MS4A13: variants seen among roughly 807,000 people sequenced by gnomAD.
The protein encoded by MS4A13 is membrane spanning 4-domains A13, also known as membrane-spanning 4-domains subfamily A member 13.
A neutral mutation model predicts 18.4 loss-of-function variants in MS4A13; 21 were observed. That is an observed-to-expected ratio of 1.14 (90% CI 0.81 to 1.64). The LOEUF (loss-of-function observed/expected upper bound fraction) is 1.64, where lower values mean the gene tolerates loss of function less well. MS4A13 is among the 40% of genes most tolerant of loss of function. The pLI is 0.00. For missense variants in MS4A13, 173 were observed against 176.8 expected, an observed-to-expected ratio of 0.98 and a Z score of 0.12; for synonymous variants, 62 against 57.2, an observed-to-expected ratio of 1.08 and a Z score of -0.38.
chr11:60,522,552 T>C (rs1283459631), intron 3 of MS4A13, among the ~76,000 whole-genome samples: 1 of 152,132 alleles, frequency 6.6e-6, no homozygotes, highest in East Asian at 1.9e-4. Context: ...TGGCTGCCCA[T>C]TGAGACAGCA....
chr11:60,526,878 C>G (rs1019075968), intron 5 of MS4A13, among the ~76,000 whole-genome samples: 2 of 152,186 alleles, frequency 1.3e-5, no homozygotes, highest in African/African-American at 4.8e-5. Flanking sequence ...ATCCTCAGTA[C>G]TCACTGTGTG....
intron 5 of MS4A13, 79 bp downstream of exon 5, chr11:60,525,405 TGAG>T: frequency 1.0e-6 from 1 of 990,620 alleles, no homozygotes; most frequent in Non-Finnish European, 1.4e-6. Flanking sequence ...GGAGGTAAGA[TGAG>T]GCTTTTATTC....
chr11:60,531,910 G>C (rs571710581), intron 6 of MS4A13, among the ~76,000 whole-genome samples: 1 of 152,232 alleles, frequency 6.6e-6, no homozygotes, highest in East Asian at 1.9e-4. Context: ...TGGGAGTTAG[G>C]ACTTCCAGTA....
intron 6 of MS4A13, among the ~76,000 whole-genome samples, chr11:60,530,880 A>C (rs1334326604): frequency 6.6e-6 from 1 of 151,850 alleles, no homozygotes; most frequent in African/African-American, 2.4e-5. Flanking sequence ...TTCCTCATTC[A>C]CTCAGTCTTC....
At chr11:60,522,372 G>A (rs2086683292) in intron 3 of MS4A13, among the ~76,000 whole-genome samples, 2 of 151,920 alleles carry the variant, frequency 1.3e-5, no homozygotes, top group Non-Finnish European at 2.9e-5. Flanking sequence ...TCGAAAAGAG[G>A]AATGGCCAAG....
intron 2 of MS4A13, 53 bp from the exon 3 acceptor site, chr11:60,518,019 A>G: frequency 7.3e-7 from 1 of 1,374,186 alleles, no homozygotes; most frequent in South Asian, 1.5e-5. Context: ...CACTTATTGG[A>G]ATTGTGTTTT....
intron 6 of MS4A13, among the ~76,000 whole-genome samples, chr11:60,538,100 C>T (rs993967029): frequency 6.7e-5 from 10 of 148,654 alleles, no homozygotes; most frequent in Non-Finnish European, 1.2e-4. Flanking sequence ...GTGGGTGCAG[C>T]GCACCAGCAT....
In MS4A13 at chr11:60,523,972, G is replaced by T; in HGVS notation, c.186+19G>T. The T allele has an allele frequency of 1.4e-6, 2 of 1,436,792 alleles. No homozygotes were observed. The highest frequency in any genetic ancestry group is 2.0e-6 in the Non-Finnish European group (2 of 1,022,386). 89.0% of individuals were successfully genotyped at this position (1,436,792 alleles called of 1,614,324 possible). A position where few individuals can be genotyped will look rare whatever the true frequency, so the allele number is the denominator to read the frequency against. On this transcript the variant is annotated intron_variant, in intron 4 of 6. Coordinates refer to ENST00000378186, the MANE Select transcript of MS4A13 (RefSeq NM_001012417.3). ...ATCTGGAGTAAGTTGAAATGTTTGA[G>T]GTATCTCTAGAAATCACTTATCACA...
At chr11:60,524,952 G>T (rs921215329) in intron 4 of MS4A13, among the ~76,000 whole-genome samples, 1 of 152,128 alleles carries the variant, frequency 6.6e-6, no homozygotes, top group African/African-American at 2.4e-5. Flanking sequence ...GAGCCACTGC[G>T]CCCGGCCCCA....
At chr11:60,539,962 G>A (rs567495726) in intron 6 of MS4A13, among the ~76,000 whole-genome samples, 56 of 152,200 alleles carry the variant, frequency 3.7e-4, no homozygotes, top group Non-Finnish European at 7.1e-4. Flanking sequence ...TCTTTAGACT[G>A]AAGTGACATC....
In MS4A13 at chr11:60,529,466, T is replaced by A; in HGVS notation, c.402+6T>A. 6.5e-7 allele frequency: 1 copy of A among 1,537,752 alleles called. No homozygotes were observed. The highest frequency in any genetic ancestry group is 8.9e-7 in the Non-Finnish European group (1 of 1,128,766). On this transcript the variant is annotated splice_donor_region_variant and intron_variant, in intron 6 of 6. Transcript: ENST00000378186. ...TATACAGCTGTTCCAATTTGGTAAG[T>A]GTTTACCCACTCTCTGGCAAATCAA...
In MS4A13 at chr11:60,523,907, C is replaced by T. The variant is rs202045319; in HGVS notation, c.140C>T (p.Ala47Val). The T allele has an allele frequency of 5.9e-6, 9 of 1,522,722 alleles. No individual in the cohort carries two copies. Among genetic ancestry groups the T allele is most frequent in the Non-Finnish European group, 6.4e-6 (7 of 1,097,958 alleles). The allele number at this position is 1,522,722 out of a possible 1,614,324, so 94.3% of individuals were successfully genotyped here. The change falls in exon 4 of 7, where the codon GCA becomes GTA. Residue 47 changes from alanine to valine, a missense_variant. By Grantham distance (64) the Ala-to-Val change is moderately conservative (BLOSUM62 0). Transcript: ENST00000378186. ...CTLWGIFFII[A>V]GVFLIRVTKY... ...TGTTTTTATATCCAGTTTATCATTG[C>T]AGGAGTCTTCCTAATAAGAGTAACA...
chr11:60,522,270 A>G (rs1565210989), intron 3 of MS4A13, among the ~76,000 whole-genome samples: 2 of 147,284 alleles, frequency 1.4e-5, no homozygotes, highest in African/African-American at 4.9e-5. Context: ...ACACACATAT[A>G]TATGTATGTG....
intron 3 of MS4A13, among the ~76,000 whole-genome samples, chr11:60,522,244 A>G (rs1488465769): frequency 3.5e-5 from 5 of 144,470 alleles, no homozygotes; most frequent in Admixed American, 3.3e-4. Flanking sequence ...AGATAGATGT[A>G]TATATATAGA....
At chr11:60,541,738 T>C (rs1275985433) in intron 6 of MS4A13, among the ~76,000 whole-genome samples, 2 of 152,148 alleles carry the variant, frequency 1.3e-5, no homozygotes, top group African/African-American at 4.8e-5. Flanking sequence ...AAGAAGACTA[T>C]GGTTATTTTT....
chr11:60,525,247 C>A lies in MS4A13; in HGVS notation c.227C>A (p.Thr76Asn). The A allele has an allele frequency of 6.4e-7, 1 of 1,571,518 alleles. No homozygotes were observed. Among genetic ancestry groups the A allele is most frequent in the Non-Finnish European group, 8.7e-7 (1 of 1,143,426 alleles). ...TLIINIICII[T>N]TITAVTLTII... ...ATCATAAACATCATCTGCATAATTA[C>A]TACAATTACTGCAGTAACTCTAACA... is the stretch of plus-strand genomic sequence containing the variant. The change falls in exon 5 of 7, where the codon ACT (threonine) becomes AAT (asparagine). Residue 76 changes from threonine to asparagine, a missense_variant. Coordinates refer to ENST00000378186, the MANE Select transcript of MS4A13 (RefSeq NM_001012417.3).
At chr11:60,542,748 G>T (rs763265236), downstream of MS4A13, 7 of 455,080 alleles carry the variant, frequency 1.5e-5, no homozygotes, top group Non-Finnish European at 2.4e-5. Context: ...TTTCTAGGCT[G>T]CAAGGAAAGT....
intron 3 of MS4A13, among the ~76,000 whole-genome samples, chr11:60,520,360 T>C (rs2086665352): frequency 6.6e-6 from 1 of 152,120 alleles, no homozygotes; most frequent in African/African-American, 2.4e-5. Flanking sequence ...AACTCAAAAG[T>C]CCACAGTCCA....
At chr11:60,539,174 A>T (rs533012779) in intron 6 of MS4A13, among the ~76,000 whole-genome samples, 1 of 114,208 alleles carries the variant, frequency 8.8e-6, no homozygotes, top group South Asian at 3.3e-4. Context: ...ATGAGTTAAT[A>T]AATGAGTGTT....
Sources: gnomAD v4.1 joint callset for allele counts (sites outside exome capture counted in the v4.1 genomes callset) on GRCh38, gnomAD v4.1.1 for gene constraint, MANE v1.5 for transcripts, NCBI Gene and HGNC (gene_info 2026-07-23, HGNC 2026-07-21) for gene names.